ARMC2: variants seen among roughly 807,000 people sequenced by gnomAD.
ARMC2 encodes armadillo repeat-containing protein 2.
Under a neutral mutation model 90.3 loss-of-function variants are expected in ARMC2, and 67 were observed. The ratio of observed to expected loss-of-function variants is 0.74; its 90% CI spans 0.61 to 0.91. The LOEUF is 0.91. Among genes scored for constraint, ARMC2 ranks in the 40% least tolerant of loss-of-function variants. The probability of loss-of-function intolerance (pLI) is 0.00; values close to 1 mark genes in which losing one functional copy is unlikely to be tolerated. For missense variants in ARMC2, 920 were observed against 1,030.9 expected (o/e 0.89, Z 1.47); for synonymous variants, 393 against 393.0 (o/e 1.00, Z 0.00).
In ARMC2 at chr6:108,960,416, G is replaced by T. The variant is rs561757271; in HGVS notation, c.1916-1156G>T. On this transcript the variant is annotated intron_variant, in intron 13 of 17. Transcript: ENST00000392644. ...GATGAGTCTGGAGACTGAGTGGGAG[G>T]CAGGGACAAAAACCACTAAGGGCCT... Among the ~76,000 whole-genome samples the T allele has an allele frequency of 2.0e-5, 3 of 152,294 alleles. No individual in the cohort carries two copies. In the South Asian group the frequency reaches 6.2e-4, roughly 32 times the overall value.
intron 10 of ARMC2, among the ~76,000 whole-genome samples, chr6:108,926,840 ACTGAAACTTTCAGGG>A (rs547073725): frequency 4.1e-4 from 62 of 152,190 alleles, no homozygotes; most frequent in Middle Eastern, 3.4e-3. Flanking sequence ...TGTTTGGGAT[ACTGAAACTTTCAGGG>A]AAGAATTTAC....
At chr6:108,950,677 A>T (rs1028577331) in intron 12 of ARMC2, among the ~76,000 whole-genome samples, 2 of 152,194 alleles carry the variant, frequency 1.3e-5, no homozygotes, top group Non-Finnish European at 1.5e-5. Context: ...ATTGGATAGT[A>T]AGCTTAGTAC....
the ARMC2 span, among the ~76,000 whole-genome samples, chr6:108,989,665 A>ATTACT: frequency 6.6e-6 from 1 of 152,058 alleles, no homozygotes; most frequent in South Asian, 2.1e-4. Context: ...AATAATTAGA[A>ATTACT]TTACTTTACT....
At chr6:108,998,936 A>AATAT in the ARMC2 span, 5 of 551,872 alleles carry the variant, frequency 9.1e-6, no homozygotes, top group South Asian at 1.3e-4. Flanking sequence ...ATTCACAAAT[A>AATAT]GAACTTAACA....
the ARMC2 span, chr6:109,009,294 G>A: frequency 7.2e-7 from 1 of 1,388,330 alleles, no homozygotes; most frequent in Non-Finnish European, 9.4e-7. Flanking sequence ...GTTGCACAGG[G>A]CAGCTCGGCC....
chr6:108,972,946 G>A (rs574172810), intron 17 of ARMC2, among the ~76,000 whole-genome samples: 3 of 151,982 alleles, frequency 2.0e-5, no homozygotes, highest in South Asian at 4.2e-4. Flanking sequence ...GGCATTACAG[G>A]TATGAGCCAC....
chr6:108,878,566 A>G (rs149959845), intron 5 of ARMC2, among the ~76,000 whole-genome samples: 1,741 of 152,318 alleles, frequency 0.011, 6 homozygotes, highest in South Asian at 0.032. Context: ...ATATTGATGG[A>G]ATATCTGAAT....
At chr6:108,913,437 T>G (rs897332301) in intron 10 of ARMC2, among the ~76,000 whole-genome samples, 1 of 152,216 alleles carries the variant, frequency 6.6e-6, no homozygotes, top group African/African-American at 2.4e-5. Context: ...TGTGAAAACC[T>G]CTTTTAGTCA....
chr6:108,865,157 A>G (rs923543624), intron 3 of ARMC2, among the ~76,000 whole-genome samples: 1 of 151,800 alleles, frequency 6.6e-6, no homozygotes, highest in Non-Finnish European at 1.5e-5. Flanking sequence ...TAATTTTTGT[A>G]TTTTTAGTAG....
the ARMC2 span, among the ~76,000 whole-genome samples, chr6:109,006,372 A>C: frequency 3.9e-5 from 6 of 152,212 alleles, no homozygotes; most frequent in Non-Finnish European, 5.9e-5. Flanking sequence ...ATATGTATGC[A>C]TGTGCCATGT....
chr6:108,923,278 T>A (rs1171356653), intron 10 of ARMC2, among the ~76,000 whole-genome samples: 1 of 152,202 alleles, frequency 6.6e-6, no homozygotes, highest in East Asian at 1.9e-4. Flanking sequence ...AGTTTGTGCA[T>A]TTATAGATAA....
intron 5 of ARMC2, among the ~76,000 whole-genome samples, chr6:108,888,049 C>T (rs190181044): frequency 9.8e-5 from 15 of 152,306 alleles, no homozygotes; most frequent in East Asian, 1.9e-4. Flanking sequence ...TGCAGCGTTA[C>T]GTAGAACATC....
chr6:108,980,693 C>G, the ARMC2 span, among the ~76,000 whole-genome samples: 8 of 152,220 alleles, frequency 5.3e-5, no homozygotes, highest in Admixed American at 2.0e-4. Flanking sequence ...TTCAGAGATG[C>G]CCTGCCCAGA....
intron 10 of ARMC2, among the ~76,000 whole-genome samples, chr6:108,922,271 C>T: frequency 6.7e-6 from 1 of 149,648 alleles, no homozygotes; most frequent in East Asian, 2.0e-4. Context: ...CCCCCCCACC[C>T]TTTTTTTTTT....
chr6:108,961,955 T>C, intron 14 of ARMC2, 59 bp from the exon 15 acceptor site: 1 of 1,255,576 alleles, frequency 8.0e-7, no homozygotes, highest in Non-Finnish European at 1.1e-6. Flanking sequence ...TTGATTTCCA[T>C]TAACCTTTAA....
chr6:109,044,185 C>G, the ARMC2 span, among the ~76,000 whole-genome samples: 1 of 151,446 alleles, frequency 6.6e-6, no homozygotes, highest in African/African-American at 2.4e-5. Context: ...CATAGTGGCA[C>G]CTGCCGGTGA....
chr6:109,040,975 T>G, the ARMC2 span, among the ~76,000 whole-genome samples: 1 of 151,682 alleles, frequency 6.6e-6, no homozygotes, highest in Non-Finnish European at 1.5e-5. Context: ...ATTTTTAAAA[T>G]AACATACCCT....
intron 3 of ARMC2, among the ~76,000 whole-genome samples, chr6:108,864,621 G>A (rs976477492): frequency 6.6e-6 from 1 of 152,148 alleles, no homozygotes; most frequent in Non-Finnish European, 1.5e-5. Flanking sequence ...TTGTGTGTGT[G>A]TGTTCTGCTG....
the ARMC2 span, chr6:108,994,321 T>C: frequency 1.7e-6 from 1 of 575,536 alleles, no homozygotes; most frequent in African/African-American, 1.9e-5. Flanking sequence ...TTAAAAATTA[T>C]TTGTAAATAG....
Sources: allele counts gnomAD v4.1 joint callset (sites outside exome capture counted in the v4.1 genomes callset), GRCh38; gene constraint gnomAD v4.1.1; transcripts MANE v1.5; gene names NCBI Gene and HGNC (gene_info 2026-07-23, HGNC 2026-07-21).